Variants in ATXN2 observed in about 807,000 individuals in gnomAD.
ATXN2 encodes the protein ataxin-2.
Under a neutral mutation model 138.6 loss-of-function variants are expected in ATXN2, and 37 were observed. That is an observed-to-expected ratio of 0.27 (90% CI 0.21 to 0.35). The LOEUF is 0.35. Among genes scored for constraint, ATXN2 ranks in the 10% least tolerant of loss-of-function variants. ATXN2 has a pLI of 1.00. For synonymous variants in ATXN2, 549 were observed against 543.7 expected (o/e 1.01, Z -0.13); for missense variants, 1,216 against 1,480.3 (o/e 0.82, Z 2.93).
chr12:111,469,701 G>T (rs1193816750), intron 20 of ATXN2: 1 of 212,366 alleles, frequency 4.7e-6, no homozygotes, highest in South Asian at 1.9e-4. Flanking sequence ...TAATGCCAGT[G>T]ACCCTCAGAT....
At chr12:111,540,696 C>CTTTT (rs11462759) in intron 5 of ATXN2, among the ~76,000 whole-genome samples, 2 of 126,280 alleles carry the variant, frequency 1.6e-5, no homozygotes, top group African/African-American at 3.0e-5. Context: ...ACGTCTAAGT[C>CTTTT]TTTTTTTTTT....
In ATXN2 at chr12:111,453,767, C is replaced by T; in HGVS notation, c.3349G>A (p.Gly1117Ser). The T allele has an allele frequency of 2.5e-6, 4 of 1,614,046 alleles. No homozygotes were observed. The highest frequency in any genetic ancestry group is 1.3e-5 in the African/African-American group (1 of 75,030). ...TGAGCGAGGGCGGCCTGGGGACCGCCGGGTGGCTGTGTCGTCATTAGCATC... is the reference window on the plus strand; with the variant it reads ...TGAGCGAGGGCGGCCTGGGGACCGCTGGGTGGCTGTGTCGTCATTAGCATC... The part of the protein sequence containing the change: ...PMMLMTTQPP[G>S]GPQAALAQSA... The change falls in exon 24 of 25, where the codon GGC (glycine) becomes AGC (serine). Residue 1117 changes from glycine to serine, a missense_variant. Physicochemically the swap from Gly to Ser is moderately conservative, Grantham distance 56 (BLOSUM62 0). Coordinates refer to ENST00000673436, the MANE Select transcript of ATXN2 (RefSeq NM_001372574.1). The surrounding 1 kb of genome is among the most constrained non-coding windows in gnomAD (Gnocchi z 5.4).
At chr12:111,459,572 C>G (rs1875400172) in intron 21 of ATXN2, among the ~76,000 whole-genome samples, 1 of 150,634 alleles carries the variant, frequency 6.6e-6, no homozygotes, top group Admixed American at 6.6e-5. Context: ...TGCCGAGTAG[C>G]TGGAACTATA....
intron 1 of ATXN2, among the ~76,000 whole-genome samples, chr12:111,571,721 T>C (rs917949129): frequency 6.6e-5 from 10 of 152,152 alleles, no homozygotes; most frequent in African/African-American, 2.4e-4. Flanking sequence ...TTTTTTACAC[T>C]GTAAAGAGCT....
At chr12:111,506,801 T>G (rs991013686) in intron 14 of ATXN2, among the ~76,000 whole-genome samples, 3 of 152,200 alleles carry the variant, frequency 2.0e-5, no homozygotes, top group Admixed American at 2.0e-4. Context: ...GTGCCTGTGA[T>G]TGCAGGCCCG....
chr12:111,555,532 G>A (rs761883129), intron 2 of ATXN2, among the ~76,000 whole-genome samples: 1 of 152,016 alleles, frequency 6.6e-6, no homozygotes, highest in Non-Finnish European at 1.5e-5. Context: ...CTCTCCTGTC[G>A]CTATGTGAAG....
intron 14 of ATXN2, among the ~76,000 whole-genome samples, chr12:111,506,669 C>T (rs1029868179): frequency 2.7e-5 from 4 of 148,196 alleles, no homozygotes; most frequent in African/African-American, 2.5e-5. Flanking sequence ...CTTCTCCCCA[C>T]GGTCTCCCTC....
chr12:111,514,401 G>A (rs952855987), intron 10 of ATXN2, among the ~76,000 whole-genome samples: 20 of 152,184 alleles, frequency 1.3e-4, no homozygotes, highest in Non-Finnish European at 1.8e-4. Flanking sequence ...CATCAGAGAA[G>A]CCTACTGGTG....
chr12:111,573,375 T>C (rs1346545658), intron 1 of ATXN2, among the ~76,000 whole-genome samples: 2 of 152,108 alleles, frequency 1.3e-5, no homozygotes, highest in Non-Finnish European at 1.5e-5. Context: ...TTTGTATTTT[T>C]AGTAGAGACG....
At chr12:111,509,364 C>T (rs567658214) in intron 14 of ATXN2, among the ~76,000 whole-genome samples, 185 bp downstream of exon 14, 1 of 152,306 alleles carries the variant, frequency 6.6e-6, no homozygotes, top group African/African-American at 2.4e-5. Context: ...ATTGTTGTTA[C>T]CAAATCTCAT....
intron 5 of ATXN2, among the ~76,000 whole-genome samples, chr12:111,531,363 C>A (rs982725225): frequency 6.6e-6 from 1 of 152,120 alleles, no homozygotes; most frequent in East Asian, 1.9e-4. Flanking sequence ...ACTAGGGAGG[C>A]GGAGGTTGTA....
At chr12:111,455,926 C>T in intron 23 of ATXN2, 103 bp downstream of exon 23, 1 of 1,104,334 alleles carries the variant, frequency 9.1e-7, no homozygotes, top group Non-Finnish European at 1.4e-6. Context: ...AGGCAAATGG[C>T]ATGACACACA....
At position 111,552,161 on chromosome 12, in the gene ATXN2, A is replaced by C; in HGVS notation, c.571+119T>G. ...CTCCCTAAGTGCTAAGATTACAGGA[A>C]TGAGCCGCCATACCCAGCCCAGATA... On this transcript the variant is annotated intron_variant, in intron 5 of 24. Coordinates refer to ENST00000673436, the MANE Select transcript of ATXN2 (RefSeq NM_001372574.1). The surrounding 1 kb of genome is among the most constrained non-coding windows in gnomAD (Gnocchi z 4.1). 9.1e-7 allele frequency: 1 copy of C among 1,100,038 alleles called. No homozygotes were observed. The highest frequency in any genetic ancestry group is 3.2e-5 in the Admixed American group (1 of 31,016). The allele number at this position is 1,100,038 out of a possible 1,614,324, so 68.1% of individuals were successfully genotyped here.
intron 5 of ATXN2, among the ~76,000 whole-genome samples, chr12:111,534,081 TATAAAAAC>T (rs1183601715): frequency 3.3e-5 from 5 of 151,714 alleles, no homozygotes; most frequent in African/African-American, 9.7e-5. Context: ...TTTTTTAAAA[TATAAAAAC>T]ATAAAAATAT....
Position 111,485,330 on chromosome 12 carries a change from G to A in ATXN2, c.2459C>T (p.Pro820Leu). 1 of 1,609,610 alleles carries A rather than the reference G, an allele frequency of 6.2e-7. No homozygotes were observed. Among genetic ancestry groups the A allele is most frequent in the Non-Finnish European group, 8.5e-7 (1 of 1,177,426 alleles). ...YPVPVSPGVQ[P>L]LYPIPMTPMP... is the part of the protein sequence containing the mutation. ...GGGCGTCATAGGTATTGGGTATAAAGGCTTGAGAGAATTAAAAAAAAAATT... is the reference window on the plus strand; with the variant it reads ...GGGCGTCATAGGTATTGGGTATAAAAGCTTGAGAGAATTAAAAAAAAAATT... The change falls in exon 18 of 25, where the codon CCT (proline) becomes CTT (leucine). Residue 820 changes from proline (P) to leucine (L), a missense_variant and splice_region_variant. Physicochemically the swap from Pro to Leu is moderately conservative, Grantham distance 98 (BLOSUM62 -3). Coordinates refer to ENST00000673436, the MANE Select transcript of ATXN2 (RefSeq NM_001372574.1).
intron 1 of ATXN2, among the ~76,000 whole-genome samples, chr12:111,561,716 C>G (rs1239242252): frequency 6.6e-6 from 1 of 151,978 alleles, no homozygotes; most frequent in Non-Finnish European, 1.5e-5. Context: ...TGTCTGTAAT[C>G]CCAGCTACTT....
At chr12:111,536,050 G>C (rs1881153145) in intron 5 of ATXN2, among the ~76,000 whole-genome samples, 1 of 150,246 alleles carries the variant, frequency 6.7e-6, no homozygotes, top group Non-Finnish European at 1.5e-5. Flanking sequence ...GGTTGAAAAA[G>C]AGAAGTTCCA....
At chr12:111,529,586 G>T (rs1880699228) in intron 5 of ATXN2, among the ~76,000 whole-genome samples, 1 of 152,134 alleles carries the variant, frequency 6.6e-6, no homozygotes. Context: ...CTGATTCTGG[G>T]CAGAAACTTA....
chr12:111,489,312 TA>T (rs1877859286), intron 14 of ATXN2, among the ~76,000 whole-genome samples: 2 of 152,072 alleles, frequency 1.3e-5, no homozygotes, highest in Admixed American at 1.3e-4. Context: ...CTCTATCACA[TA>T]AAACAATAGC....
Sources: allele counts gnomAD v4.1 joint callset (sites outside exome capture counted in the v4.1 genomes callset), GRCh38; gene constraint gnomAD v4.1.1; non-coding constraint Gnocchi (gnomAD v3.1); transcripts MANE v1.5; gene names NCBI Gene and HGNC (gene_info 2026-07-23, HGNC 2026-07-21).